The following KLF12 variants were observed in gnomAD, a reference collection of about 807,000 sequenced individuals.
KLF12 encodes the protein KLF transcription factor 12.
A neutral mutation model predicts 37.8 loss-of-function variants in KLF12; 9 were observed. The observed-to-expected ratio is 0.24, with a 90% CI of 0.14 to 0.42. KLF12 has a LOEUF of 0.42. Ranked by LOEUF, KLF12 falls within the 10% of genes least tolerant of loss-of-function variation. KLF12 has a pLI of 1.00. For synonymous variants in KLF12, 208 were observed against 202.1 expected (o/e 1.03, Z -0.25); for missense variants, 411 against 516.0 (o/e 0.80, Z 1.97).
chr13:74,027,022 G>C (rs1350085698), intron 1 of KLF12, among the ~76,000 whole-genome samples: 1 of 152,108 alleles, frequency 6.6e-6, no homozygotes, highest in Non-Finnish European at 1.5e-5. Context: ...TGCAGGGCTG[G>C]AGCAACAGCA....
chr13:73,922,856 T>C (rs1371470783), intron 3 of KLF12, among the ~76,000 whole-genome samples: 1 of 152,182 alleles, frequency 6.6e-6, no homozygotes, highest in African/African-American at 2.4e-5. Context: ...GGGCTCCTGA[T>C]TGGCCAGGTT....
chr13:73,734,369 A>G (rs1017938535), intron 6 of KLF12, among the ~76,000 whole-genome samples: 1 of 152,120 alleles, frequency 6.6e-6, no homozygotes, highest in African/African-American at 2.4e-5. Context: ...CTCTCTCAGC[A>G]GAATGTAAGT....
At position 73,905,096 on chromosome 13, in the gene KLF12, C is replaced by T. The variant is rs139264002; in HGVS notation, c.123+38885G>A. 3.3e-5 allele frequency among the ~76,000 whole-genome samples: 5 copies of T among 152,170 alleles called. No individual in the cohort carries two copies. The East Asian group carries it at 9.7e-4, about 29-fold the overall frequency. ...AGACCTATTACACAAGAGTTCAAAG[C>T]CTGTTTTTAACATATACTTAATCTC... is the stretch of plus-strand genomic sequence containing the variant. On this transcript the variant is annotated intron_variant, in intron 3 of 7. Coordinates refer to ENST00000377669, the MANE Select transcript of KLF12 (RefSeq NM_007249.5).
At chr13:73,845,706 A>G in intron 4 of KLF12, 121 bp downstream of exon 4, 2 of 807,688 alleles carry the variant, frequency 2.5e-6, no homozygotes, top group Non-Finnish European at 3.9e-6. Context: ...TGGTGTCTCC[A>G]CGTTGCTCTA....
At chr13:74,245,559 C>A in the KLF12 span, among the ~76,000 whole-genome samples, 1 of 152,186 alleles carries the variant, frequency 6.6e-6, no homozygotes, top group African/African-American at 2.4e-5. Flanking sequence ...AACAGATTTT[C>A]TCATTTGATA....
the KLF12 span, among the ~76,000 whole-genome samples, chr13:74,305,832 C>T: frequency 6.6e-6 from 1 of 151,962 alleles, no homozygotes; most frequent in Non-Finnish European, 1.5e-5. Flanking sequence ...TCTAAGATCC[C>T]ATCATTTTGT....
chr13:73,729,436 A>T lies in KLF12; in HGVS notation c.870-13911T>A, dbSNP rs140082480. On this transcript the variant is annotated intron_variant, in intron 6 of 7. Transcript: ENST00000377669. ...CCAAACATAAGCTTAGAAGATTGTC[A>T]GAAAAAGTACTTGACAGCAGGCAGG... 3.2e-3 allele frequency among the ~76,000 whole-genome samples: 481 copies of T among 152,340 alleles called. 2 individuals are homozygous for T. Among genetic ancestry groups the T allele is most frequent in the African/African-American group, 0.011 (458 of 41,572 alleles).
At position 73,726,383 on chromosome 13, in the gene KLF12, T is replaced by C. The variant is rs116479581; in HGVS notation, c.870-10858A>G. 9.7e-3 allele frequency among the ~76,000 whole-genome samples: 1,473 copies of C among 152,302 alleles called. 22 individuals carry two copies. Among genetic ancestry groups the C allele is most frequent in the African/African-American group, 0.033 (1,379 of 41,558 alleles). ...TTGTTATACAATCATTACTTCTATC[T>C]GACTCCAAAACATTTTCATCACCCC... On this transcript the variant is annotated intron_variant, in intron 6 of 7. Transcript: ENST00000377669.
intron 3 of KLF12, among the ~76,000 whole-genome samples, chr13:73,870,484 CT>C (rs1886408413): frequency 6.6e-6 from 1 of 152,146 alleles, no homozygotes; most frequent in Non-Finnish European, 1.5e-5. Flanking sequence ...GGTATTTATT[CT>C]GACATAGAGA....
chr13:74,303,497 TG>T, the KLF12 span, among the ~76,000 whole-genome samples: 1 of 152,246 alleles, frequency 6.6e-6, no homozygotes, highest in African/African-American at 2.4e-5. Flanking sequence ...ATCATATAAA[TG>T]GGTAGGGTAA....
chr13:74,071,630 T>C (rs1335103910), intron 1 of KLF12, among the ~76,000 whole-genome samples: 4 of 152,078 alleles, frequency 2.6e-5, no homozygotes, highest in African/African-American at 7.2e-5. Flanking sequence ...GAGGCGGAGC[T>C]TGCAGTGAGC....
At chr13:74,151,357 G>T in the KLF12 span, among the ~76,000 whole-genome samples, 1 of 152,136 alleles carries the variant, frequency 6.6e-6, no homozygotes, top group Non-Finnish European at 1.5e-5. Flanking sequence ...CTCAAATTAA[G>T]AAGAATCTCC....
intron 3 of KLF12, among the ~76,000 whole-genome samples, chr13:73,893,725 A>AT (rs1246231304): frequency 1.3e-5 from 2 of 152,080 alleles, no homozygotes; most frequent in African/African-American, 4.8e-5. Context: ...TTCTATACAG[A>AT]TTTTTTTAAA....
the KLF12 span, among the ~76,000 whole-genome samples, chr13:74,205,956 G>A: frequency 1.3e-5 from 2 of 152,100 alleles, no homozygotes; most frequent in African/African-American, 4.8e-5. Flanking sequence ...TGCCTTGGAG[G>A]TAATGTCTGA....
At chr13:74,240,928 C>A in the KLF12 span, among the ~76,000 whole-genome samples, 2 of 150,852 alleles carry the variant, frequency 1.3e-5, no homozygotes, top group East Asian at 2.0e-4. Flanking sequence ...TCGTCTGAAG[C>A]CTTCTTCTCT....
At chr13:74,200,881 G>A in the KLF12 span, among the ~76,000 whole-genome samples, 1 of 152,112 alleles carries the variant, frequency 6.6e-6, no homozygotes, top group Non-Finnish European at 1.5e-5. Context: ...TTATGGGAAT[G>A]TCTATTAATT....
chr13:73,692,119 G>T lies in KLF12; in HGVS notation c.*3371C>A, dbSNP rs1737361032. ...TTTATAGAAACGACGCCAGGCAGAA[G>T]TATAATCTTTATGGTGAAGTCATTA... On this transcript the variant is annotated 3_prime_UTR_variant, in exon 8 of 8. Coordinates refer to ENST00000377669, the MANE Select transcript of KLF12 (RefSeq NM_007249.5). 1 of 152,416 alleles carries T rather than the reference G, an allele frequency of 6.6e-6. No individual in the cohort carries two copies. The highest frequency in any genetic ancestry group is 6.5e-5 in the Admixed American group (1 of 15,270). The allele number at this position is 152,416 out of a possible 1,614,324, so 9.4% of individuals were successfully genotyped here. A position where few individuals can be genotyped will look rare whatever the true frequency, so the allele number is the denominator to read the frequency against.
intron 1 of KLF12, among the ~76,000 whole-genome samples, chr13:74,129,544 A>ATGCAGCAG (rs1474697802): frequency 1.3e-5 from 2 of 152,164 alleles, no homozygotes; most frequent in African/African-American, 4.8e-5. Flanking sequence ...CTCACCTTCC[A>ATGCAGCAG]TGCAGCAGTA....
At chr13:73,898,524 C>T (rs1457017806) in intron 3 of KLF12, among the ~76,000 whole-genome samples, 1 of 152,148 alleles carries the variant, frequency 6.6e-6, no homozygotes, top group Admixed American at 6.5e-5. Flanking sequence ...CTCCTACTTA[C>T]AACCTTCATC....
Sources: gnomAD v4.1 joint callset for allele counts (sites outside exome capture counted in the v4.1 genomes callset) on GRCh38, gnomAD v4.1.1 for gene constraint, MANE v1.5 for transcripts, NCBI Gene and HGNC (gene_info 2026-07-23, HGNC 2026-07-21) for gene names.